HSF2: variants seen among roughly 807,000 people sequenced by gnomAD.
HSF2 encodes heat shock transcription factor 2.
A neutral mutation model predicts 65.0 loss-of-function variants in HSF2; 21 were observed. The ratio of observed to expected loss-of-function variants is 0.32; its 90% confidence interval spans 0.23 to 0.47. The LOEUF (loss-of-function observed/expected upper bound fraction) is 0.47. HSF2 is among the 20% of genes least tolerant of loss of function. The probability of loss-of-function intolerance (pLI) is 1.00; values close to 1 mark genes in which losing one functional copy is unlikely to be tolerated. For missense variants in HSF2, 499 were observed against 628.1 expected, an observed-to-expected ratio of 0.79 and a Z score of 2.20; for synonymous variants, 225 against 219.1, an observed-to-expected ratio of 1.03 and a Z score of -0.24.
At chr6:122,408,111 G>A (rs1369814909) in intron 1 of HSF2, among the ~76,000 whole-genome samples, 9 of 152,060 alleles carry the variant, frequency 5.9e-5, no homozygotes, top group African/African-American at 1.9e-4. Flanking sequence ...CATATCAGGG[G>A]CAAGGGTTTC....
chr6:122,416,220 G>A lies in HSF2; in HGVS notation c.456-1G>A. On this transcript the variant is annotated splice_acceptor_variant, in intron 4 of 12. Coordinates refer to ENST00000368455, the MANE Select transcript of HSF2 (RefSeq NM_004506.4). LOFTEE classifies it high-confidence loss of function. ...TTGTTGCTTAATAAATTATAACATA[G>A]TGAGAATGAGTCCCTTTGGAAGGAG... The A allele has an allele frequency of 6.3e-7, 1 of 1,582,644 alleles. No homozygotes were observed. Among genetic ancestry groups the A allele is most frequent in the East Asian group, 2.2e-5 (1 of 44,700 alleles).
intron 10 of HSF2, among the ~76,000 whole-genome samples, chr6:122,424,165 G>T (rs1774294178): frequency 6.6e-6 from 1 of 151,880 alleles, no homozygotes; most frequent in African/African-American, 2.4e-5. Flanking sequence ...AGGTTCCCCT[G>T]CTCCAGTCCC....
chr6:122,415,897 A>C (rs1774115118), intron 4 of HSF2, among the ~76,000 whole-genome samples: 1 of 152,162 alleles, frequency 6.6e-6, no homozygotes, highest in South Asian at 2.1e-4. Flanking sequence ...CATGCCTGTA[A>C]TCCCAGCTAC....
At position 122,418,473 on chromosome 6, in the gene HSF2, G is replaced by A. The variant is rs550814247; in HGVS notation, c.532-695G>A. On this transcript the variant is annotated intron_variant, in intron 5 of 12. Coordinates refer to ENST00000368455, the MANE Select transcript of HSF2 (RefSeq NM_004506.4). ...TTTAAGAAACACTACTATAAGATATGAAAGCTTGTTTGTGTGTCTTCACAA... is the reference window on the plus strand; with the variant it reads ...TTTAAGAAACACTACTATAAGATATAAAAGCTTGTTTGTGTGTCTTCACAA... Among the ~76,000 whole-genome samples, 3 of 152,288 alleles carry A rather than the reference G, an allele frequency of 2.0e-5. No individual in the cohort carries two copies. In the East Asian group the frequency reaches 5.8e-4, roughly 29 times the overall value.
intron 5 of HSF2, among the ~76,000 whole-genome samples, chr6:122,418,585 T>C (rs552503317): frequency 3.3e-5 from 5 of 152,320 alleles, no homozygotes; most frequent in African/African-American, 1.2e-4. Context: ...CATTAATCTT[T>C]ATAGAATCAG....
chr6:122,415,951 A>C (rs968329516), intron 4 of HSF2, among the ~76,000 whole-genome samples: 1 of 152,160 alleles, frequency 6.6e-6, no homozygotes, highest in Admixed American at 6.5e-5. Context: ...CTGGAGGTGA[A>C]GGTTGCAATG....
In HSF2 at chr6:122,399,727, C is replaced by A. The variant is rs755153574; in HGVS notation, c.-11C>A. The A allele has an allele frequency of 1.2e-6, 2 of 1,608,262 alleles. No homozygotes were observed. The highest frequency in any genetic ancestry group is 1.7e-6 in the Non-Finnish European group (2 of 1,176,906). On this transcript the variant is annotated 5_prime_UTR_variant, in exon 1 of 13. Coordinates refer to ENST00000368455, the MANE Select transcript of HSF2 (RefSeq NM_004506.4). ...GGGTGTAGAATTTGGAATCCCTGCG[C>A]CGCGTTAACAATGAAGCAGAGTTCG...
chr6:122,419,266 A>AGGC (rs1774184194), intron 6 of HSF2, 37 bp downstream of exon 6: 1 of 1,010,346 alleles, frequency 9.9e-7, no homozygotes. Context: ...TCCTGTATAT[A>AGGC]GGCAGTCACA....
intron 10 of HSF2, among the ~76,000 whole-genome samples, chr6:122,424,866 C>A (rs1203004196): frequency 6.6e-6 from 1 of 152,032 alleles, no homozygotes; most frequent in Non-Finnish European, 1.5e-5. Flanking sequence ...TTACAGTCTT[C>A]AGCTAGGTCA....
At chr6:122,414,040 A>G (rs1327122535) in intron 4 of HSF2, among the ~76,000 whole-genome samples, 2 of 152,114 alleles carry the variant, frequency 1.3e-5, no homozygotes, top group Non-Finnish European at 2.9e-5. Context: ...CCTTTGTTTA[A>G]TGGCTGTCTC....
chr6:122,401,902 A>G (rs1298943637), intron 1 of HSF2, among the ~76,000 whole-genome samples: 2 of 152,226 alleles, frequency 1.3e-5, no homozygotes, highest in African/African-American at 4.8e-5. Context: ...TTATTTATCC[A>G]TAATTATACA....
chr6:122,429,636 G>T (rs954799406), intron 11 of HSF2, among the ~76,000 whole-genome samples: 2 of 152,066 alleles, frequency 1.3e-5, no homozygotes, highest in Non-Finnish European at 2.9e-5. Context: ...TATGATACTG[G>T]CTATGGGTTT....
rs550923658 is a variant in HSF2 at position 122,413,236 on chromosome 6, G to A, written c.331-289G>A. On this transcript the variant is annotated intron_variant, in intron 3 of 12. Coordinates refer to ENST00000368455, the MANE Select transcript of HSF2 (RefSeq NM_004506.4). ...GGAATGTGGTAATAAAGAGGCTTGG[G>A]GGAAATTGCAAGGAGCTTGGCATAA... Among the ~76,000 whole-genome samples the A allele has an allele frequency of 2.3e-4, 35 of 152,058 alleles. No individual in the cohort carries two copies. The South Asian group carries it at 4.2e-3, about 18-fold the overall frequency.
chr6:122,410,066 A>G (rs1462285295), intron 1 of HSF2, among the ~76,000 whole-genome samples: 2 of 151,952 alleles, frequency 1.3e-5, no homozygotes, highest in Non-Finnish European at 2.9e-5. Flanking sequence ...CTATAATTTT[A>G]TAATCTGTAT....
intron 1 of HSF2, among the ~76,000 whole-genome samples, chr6:122,410,949 T>G (rs942885017): frequency 4.4e-4 from 7 of 16,028 alleles, no homozygotes; most frequent in African/African-American, 1.0e-3. Flanking sequence ...TGTTTTTGGG[T>G]TTTTTTTTTT....
At chr6:122,425,194 C>T (rs1038463090) in intron 10 of HSF2, among the ~76,000 whole-genome samples, 1 of 152,166 alleles carries the variant, frequency 6.6e-6, no homozygotes, top group African/African-American at 2.4e-5. Flanking sequence ...TTCTCTAACT[C>T]CTTTACTACA....
intron 6 of HSF2, among the ~76,000 whole-genome samples, chr6:122,419,706 G>T (rs928001814): frequency 1.3e-5 from 2 of 152,076 alleles, no homozygotes; most frequent in Non-Finnish European, 2.9e-5. Context: ...AAGAATAATG[G>T]ACAAAAGGAA....
intron 1 of HSF2, among the ~76,000 whole-genome samples, chr6:122,402,161 C>T (rs1773752568): frequency 6.6e-6 from 1 of 152,200 alleles, no homozygotes; most frequent in Non-Finnish European, 1.5e-5. Flanking sequence ...CACCCCTACC[C>T]TAATAGATTT....
At chr6:122,401,435 A>C (rs1773731156) in intron 1 of HSF2, among the ~76,000 whole-genome samples, 1 of 152,200 alleles carries the variant, frequency 6.6e-6, no homozygotes, top group South Asian at 2.1e-4. Context: ...AATAGGGGCT[A>C]TATATATTGG....
Sources: allele counts gnomAD v4.1 joint callset (sites outside exome capture counted in the v4.1 genomes callset), GRCh38; gene constraint gnomAD v4.1.1; transcripts MANE v1.5; gene names NCBI Gene and HGNC (gene_info 2026-07-23, HGNC 2026-07-21).